Variants in PITHD1 observed in about 807,000 individuals in gnomAD.
PITHD1 encodes PITH domain-containing protein 1.
Under a neutral mutation model 27.5 loss-of-function variants are expected in PITHD1, and 8 were observed. The ratio of observed to expected loss-of-function variants is 0.29; its 90% CI spans 0.17 to 0.52. PITHD1 has a LOEUF of 0.52. Among genes scored for constraint, PITHD1 ranks in the 20% least tolerant of loss-of-function variants. PITHD1 has a pLI of 0.96. For synonymous variants in PITHD1, 118 were observed against 106.8 expected (o/e 1.10, Z -0.64); for missense variants, 233 against 283.9 (o/e 0.82, Z 1.29).
chr1:23,787,220 T>G, intron 5 of PITHD1, 55 bp from the exon 6 acceptor site: 1 of 1,126,472 alleles, frequency 8.9e-7, no homozygotes, highest in South Asian at 1.2e-5. Flanking sequence ...GTGTGTGGTG[T>G]GGGAAAGGAC....
In PITHD1 at chr1:23,778,573, G is replaced by A; in HGVS notation, c.58G>A (p.Glu20Lys). Reference protein sequence around the residue: ...GGCRCAAEREEPPEQRGLAYG... With the variant: ...GGCRCAAEREKPPEQRGLAYG... ...CTGCCGCTGCGCCGCCGAACGGGAG[G>A]AGCCGCCCGAGCAGCGCGGCCTGGC... Residue 20 changes from glutamate (E) to lysine (K), a missense_variant, in exon 1 of 6, where the codon GAG becomes AAG. Coordinates refer to ENST00000246151, the MANE Select transcript of PITHD1 (RefSeq NM_020362.5). The A allele has an allele frequency of 7.4e-7, 1 of 1,344,254 alleles. No homozygotes were observed. The highest frequency in any genetic ancestry group is 9.5e-7 in the Non-Finnish European group (1 of 1,051,714). The allele number at this position is 1,344,254 out of a possible 1,614,324, so 83.3% of individuals were successfully genotyped here.
intron 3 of PITHD1, chr1:23,785,155 C>G (rs1638664214): frequency 6.5e-6 from 1 of 152,794 alleles, no homozygotes; most frequent in Non-Finnish European, 1.5e-5. Flanking sequence ...TCAAAGATGC[C>G]ATGGGGTTAT....
chr1:23,782,090 G>A (rs551660859), intron 3 of PITHD1, among the ~76,000 whole-genome samples: 53 of 152,282 alleles, frequency 3.5e-4, no homozygotes, highest in African/African-American at 1.1e-3. Flanking sequence ...AATCAGGGAA[G>A]TTTGAACACA....
Position 23,778,550 on chromosome 1 carries a change from G to A in PITHD1, c.35G>A (p.Cys12Tyr). 7.5e-7 allele frequency: 1 copy of A among 1,339,692 alleles called. No homozygotes were observed. The highest frequency in any genetic ancestry group is 9.5e-7 in the Non-Finnish European group (1 of 1,050,426). The allele number at this position is 1,339,692 out of a possible 1,614,324, so 83.0% of individuals were successfully genotyped here. Residue 12 changes from cysteine to tyrosine, a missense_variant, in exon 1 of 6, where the codon TGC becomes TAC. Transcript: ENST00000246151. ...SHGHSHGGGG[C>Y]RCAAEREEPP... The stretch of plus-strand genomic sequence containing the variant: ...GGTCACAGCCACGGCGGGGGTGGCT[G>A]CCGCTGCGCCGCCGAACGGGAGGAG...
chr1:23,787,248 G>T (rs758343163), intron 5 of PITHD1, 27 bp from the exon 6 acceptor site: 1 of 1,555,298 alleles, frequency 6.4e-7, no homozygotes, highest in Non-Finnish European at 8.9e-7. Context: ...TTAATGGCTG[G>T]CTGACCCAGC....
At position 23,778,728 on chromosome 1, in the gene PITHD1, G is replaced by C; in HGVS notation, c.198+15G>C. On this transcript the variant is annotated intron_variant, in intron 1 of 5. Transcript: ENST00000246151. ...ACCGCTCCAAGGTGGGCCGCCTGGG[G>C]CTTGGGGCGGGCGGGGCAGGGTGCG... is the stretch of plus-strand genomic sequence containing the variant. The C allele has an allele frequency of 7.9e-7, 1 of 1,267,856 alleles. No individual in the cohort carries two copies. Among genetic ancestry groups the C allele is most frequent in the Non-Finnish European group, 9.9e-7 (1 of 1,005,280 alleles). 78.5% of individuals were successfully genotyped at this position (1,267,856 alleles called of 1,614,324 possible). A position where few individuals can be genotyped will look rare whatever the true frequency, so the allele number is the denominator to read the frequency against.
rs1638673524 is a variant in PITHD1, at chr1:23,785,789, G to A, written c.425+10G>A. ...TAGAGTATGCTACAAAGTAAGCACT[G>A]GGCCTGTCTTCCATTCTCTATGGCT... On this transcript the variant is annotated intron_variant, in intron 4 of 5. Transcript: ENST00000246151. The A allele has an allele frequency of 6.8e-7, 1 of 1,462,408 alleles. No homozygotes were observed. The highest frequency in any genetic ancestry group is 2.3e-5 in the East Asian group (1 of 44,130). The allele number at this position is 1,462,408 out of a possible 1,614,324, so 90.6% of individuals were successfully genotyped here. A position where few individuals can be genotyped will look rare whatever the true frequency, so the allele number is the denominator to read the frequency against.
chr1:23,785,160 G>A (rs1166694934), intron 3 of PITHD1: 2 of 153,060 alleles, frequency 1.3e-5, no homozygotes, highest in African/African-American at 4.8e-5. Context: ...GATGCCATGG[G>A]GTTATGTTGC....
chr1:23,784,986 C>A (rs1228394581), intron 3 of PITHD1, among the ~76,000 whole-genome samples: 2 of 152,140 alleles, frequency 1.3e-5, no homozygotes. Flanking sequence ...ATGTTTCTGC[C>A]AAAGTATGTA....
Position 23,779,425 on chromosome 1 carries a change from C to A in PITHD1, c.199-13C>A. 6.2e-7 allele frequency: 1 copy of A among 1,608,608 alleles called. No homozygotes were observed. Among genetic ancestry groups the A allele is most frequent in the Non-Finnish European group, 8.5e-7 (1 of 1,174,964 alleles). On this transcript the variant is annotated splice_polypyrimidine_tract_variant and intron_variant, in intron 1 of 5. Coordinates refer to ENST00000246151, the MANE Select transcript of PITHD1 (RefSeq NM_020362.5). ...TTTGTTGCTTTCTCCTCCCCCCTCC[C>A]CATCCCCTCCAGTTTGTTGAAAGTG...
intron 3 of PITHD1, among the ~76,000 whole-genome samples, chr1:23,783,791 G>A (rs1175801795): frequency 2.0e-5 from 3 of 151,922 alleles, no homozygotes; most frequent in African/African-American, 4.8e-5. Context: ...GATGTGTCTG[G>A]GATTGCTTTA....
intron 3 of PITHD1, among the ~76,000 whole-genome samples, chr1:23,781,551 A>C (rs1259571840): frequency 6.6e-6 from 1 of 152,168 alleles, no homozygotes; most frequent in Non-Finnish European, 1.5e-5. Flanking sequence ...AGAAACATGA[A>C]TTTGAAAGCA....
intron 3 of PITHD1, among the ~76,000 whole-genome samples, chr1:23,784,310 G>A (rs1056669709): frequency 2.3e-5 from 3 of 131,290 alleles, no homozygotes; most frequent in Non-Finnish European, 4.6e-5. Context: ...GCGCCATCTC[G>A]GCTCACTCCA....
Position 23,787,530 on chromosome 1 carries a change from G to T in PITHD1, c.*154G>T. 1.9e-6 allele frequency: 1 copy of T among 535,552 alleles called. No homozygotes were observed. 33.2% of individuals were successfully genotyped at this position (535,552 alleles called of 1,614,324 possible). A position where few individuals can be genotyped will look rare whatever the true frequency, so the allele number is the denominator to read the frequency against. ...GCTTGCTGCAGAAACCTGGCCTACG[G>T]AAGATACGACACCACTGGGAGGGTT... On this transcript the variant is annotated 3_prime_UTR_variant, in exon 6 of 6. Coordinates refer to ENST00000246151, the MANE Select transcript of PITHD1 (RefSeq NM_020362.5).
In PITHD1 at chr1:23,783,397, A is replaced by G. The variant is rs931084682; in HGVS notation, c.321-2278A>G. Among the ~76,000 whole-genome samples the G allele has an allele frequency of 4.6e-4, 35 of 75,510 alleles. 1 individual carries two copies. Among genetic ancestry groups the G allele is most frequent in the African/African-American group, 2.0e-3 (31 of 15,648 alleles). 49.5% of individuals were successfully genotyped at this position (75,510 alleles called of 152,430 possible). ...CATATATGTGTATATATACATATATACGCATATATACACATATATATGCGT... is the reference window on the plus strand; with the variant it reads ...CATATATGTGTATATATACATATATGCGCATATATACACATATATATGCGT... On this transcript the variant is annotated intron_variant, in intron 3 of 5. Coordinates refer to ENST00000246151, the MANE Select transcript of PITHD1 (RefSeq NM_020362.5).
rs565972269 is a variant in PITHD1 at position 23,787,674 on chromosome 1, A to G, written c.*298A>G. 4.7e-6 allele frequency: 1 copy of G among 213,976 alleles called. No homozygotes were observed. Among genetic ancestry groups the G allele is most frequent in the South Asian group, 1.4e-4 (1 of 7,124 alleles). The allele number at this position is 213,976 out of a possible 1,614,324, so 13.3% of individuals were successfully genotyped here. A position where few individuals can be genotyped will look rare whatever the true frequency, so the allele number is the denominator to read the frequency against. The stretch of plus-strand genomic sequence containing the variant: ...CTTTTCCAGTTAATGTGGCCATGTG[A>G]TTCCAAGTGTCATGTTGCTTTGTGG... On this transcript the variant is annotated 3_prime_UTR_variant, in exon 6 of 6. Transcript: ENST00000246151.
intron 2 of PITHD1, 59 bp downstream of exon 2, chr1:23,779,540 T>C (rs959761058): frequency 1.6e-6 from 2 of 1,270,068 alleles, no homozygotes; most frequent in Non-Finnish European, 2.3e-6. Context: ...TTGCCTCAGA[T>C]GGATTCATTC....
Position 23,787,491 on chromosome 1 carries a change from G to T in PITHD1, c.*115G>T. 1 of 636,754 alleles carries T rather than the reference G, an allele frequency of 1.6e-6. No homozygotes were observed. Among genetic ancestry groups the T allele is most frequent in the Non-Finnish European group, 2.8e-6 (1 of 354,748 alleles). The allele number at this position is 636,754 out of a possible 1,614,324, so 39.4% of individuals were successfully genotyped here. A position where few individuals can be genotyped will look rare whatever the true frequency, so the allele number is the denominator to read the frequency against. On this transcript the variant is annotated 3_prime_UTR_variant, in exon 6 of 6. Coordinates refer to ENST00000246151, the MANE Select transcript of PITHD1 (RefSeq NM_020362.5). ...AGTTGGCTGCCACAGCCTCTGCCAA[G>T]CTTTGTCTTTGGGGCTTGCTGCAGA...
rs762271616 is a variant in PITHD1 at position 23,785,672 on chromosome 1, C to T, written c.321-3C>T. The T allele has an allele frequency of 3.6e-5, 56 of 1,572,002 alleles. No individual in the cohort carries two copies. The South Asian group carries it at 6.1e-4, about 17-fold the overall frequency. ...TTGACTTTTCTTTCCTTTCCTTTCT[C>T]AGGTACAAGAATATTCCACAGATGT... On this transcript the variant is annotated splice_region_variant and splice_polypyrimidine_tract_variant and intron_variant, in intron 3 of 5. Transcript: ENST00000246151.
Sources: gnomAD v4.1 joint callset for allele counts (sites outside exome capture counted in the v4.1 genomes callset) on GRCh38, gnomAD v4.1.1 for gene constraint, MANE v1.5 for transcripts, NCBI Gene and HGNC (gene_info 2026-07-23, HGNC 2026-07-21) for gene names.